VCAN: variants seen among roughly 807,000 people sequenced by gnomAD.
The protein encoded by VCAN is versican core protein.
In VCAN, 44 loss-of-function variants were observed where a neutral mutation model predicts 245.5. The ratio of observed to expected loss-of-function variants is 0.18; its 90% CI spans 0.14 to 0.23. The LOEUF is 0.23. Ranked by LOEUF, VCAN falls within the 10% of genes least tolerant of loss-of-function variation. The pLI is 1.00. For missense variants in VCAN, 3,793 were observed against 4,057.9 expected (o/e 0.93, Z 1.77); for synonymous variants, 1,413 against 1,437.0 (o/e 0.98, Z 0.38).
Position 83,537,116 on chromosome 5 carries a change from T to G in VCAN, c.4113T>G (p.Ile1371Met), listed in dbSNP as rs771771688. The G allele has an allele frequency of 3.1e-6, 5 of 1,613,798 alleles. No homozygotes were observed. Among genetic ancestry groups the G allele is most frequent in the Non-Finnish European group, 4.2e-6 (5 of 1,179,878 alleles). ...CAGTGCATGATCTAATGGCTGAAATTTTACCTGAATTCCCTGACATAATTG... is the reference window on the plus strand; with the variant it reads ...CAGTGCATGATCTAATGGCTGAAATGTTACCTGAATTCCCTGACATAATTG... The part of the protein sequence containing the change: ...TDPVHDLMAE[I>M]LPEFPDIIEI... Residue 1371 changes from isoleucine to methionine, a missense_variant, in exon 8 of 15, where the codon ATT (isoleucine) becomes ATG (methionine). Transcript: ENST00000265077.
chr5:83,533,704 A>G (rs1409588300), intron 7 of VCAN, among the ~76,000 whole-genome samples: 3 of 152,114 alleles, frequency 2.0e-5, no homozygotes, highest in East Asian at 3.8e-4. Flanking sequence ...AAACATTATC[A>G]TATTTATTTA....
chr5:83,548,111 A>T, intron 10 of VCAN, 27 bp downstream of exon 10: 1 of 1,568,112 alleles, frequency 6.4e-7, no homozygotes, highest in Non-Finnish European at 8.8e-7. Flanking sequence ...CATTTGTATG[A>T]TGAACATTAT....
At chr5:83,546,852 A>G (rs1747247936) in intron 9 of VCAN, among the ~76,000 whole-genome samples, 1 of 152,226 alleles carries the variant, frequency 6.6e-6, no homozygotes, top group Non-Finnish European at 1.5e-5. Flanking sequence ...CTTGCTTTGT[A>G]TATTCATTTA....
In VCAN at chr5:83,538,117, T is replaced by C. The variant is rs2112441593; in HGVS notation, c.5114T>C (p.Phe1705Ser). The C allele has an allele frequency of 6.2e-7, 1 of 1,614,058 alleles. No individual in the cohort carries two copies. The highest frequency in any genetic ancestry group is 1.3e-5 in the African/African-American group (1 of 75,054). The change falls in exon 8 of 15, where the codon TTT becomes TCT. Residue 1705 changes from phenylalanine (F) to serine (S), a missense_variant. Phe to Ser is a radical substitution (Grantham distance 155). Around this residue, in one of 5 missense-constraint regions of VCAN, gnomAD observed 3,182 missense variants for 3,250.3 expected, o/e 0.98. Transcript: ENST00000265077. The stretch of plus-strand genomic sequence containing the variant: ...TCTGCAAAAGTGGTGCCTACCAAGT[T>C]TGTAAGTGAAACAGACACTTCTGAG... ...QPSAKVVPTK[F>S]VSETDTSEWI...
intron 1 of VCAN, among the ~76,000 whole-genome samples, chr5:83,479,049 T>C (rs73146673): frequency 4.5e-4 from 68 of 152,296 alleles, no homozygotes; most frequent in African/African-American, 1.6e-3. Context: ...ATTCACATGA[T>C]GCTATTACTT....
rs969319776 is a variant in VCAN at position 83,581,670 on chromosome 5, C to T, written c.*1236C>T. On this transcript the variant is annotated 3_prime_UTR_variant, in exon 15 of 15. Transcript: ENST00000265077. ...TTTTAGCAAAAGGTGTTTGCCCATT[C>T]TAAGAAATGAGCGAATATATAGAAA... The T allele has an allele frequency of 6.6e-6, 1 of 152,178 alleles. No individual in the cohort carries two copies. The highest frequency in any genetic ancestry group is 6.5e-5 in the Admixed American group (1 of 15,270). The allele number at this position is 152,178 out of a possible 1,614,324, so 9.4% of individuals were successfully genotyped here.
At chr5:83,486,884 A>T (rs1482523436) in intron 2 of VCAN, among the ~76,000 whole-genome samples, 2 of 152,258 alleles carry the variant, frequency 1.3e-5, no homozygotes, top group East Asian at 1.9e-4. Context: ...TTCTGGATTT[A>T]TAGTGGAAAA....
intron 1 of VCAN, among the ~76,000 whole-genome samples, chr5:83,476,308 T>C (rs779829608): frequency 7.2e-5 from 11 of 152,326 alleles, no homozygotes; most frequent in Admixed American, 2.0e-4. Context: ...CAAACATCGG[T>C]AAACACTGTA....
At chr5:83,481,505 G>A (rs1252328472) in intron 1 of VCAN, among the ~76,000 whole-genome samples, 1 of 152,002 alleles carries the variant, frequency 6.6e-6, no homozygotes, top group African/African-American at 2.4e-5. Flanking sequence ...CCTGCTTGCT[G>A]TGCTGTCTTA....
rs1375119331 is a variant in VCAN at position 83,541,755 on chromosome 5, A to G, written c.8752A>G (p.Thr2918Ala). 1.2e-6 allele frequency: 2 copies of G among 1,614,094 alleles called. No homozygotes were observed. Among genetic ancestry groups the G allele is most frequent in the Admixed American group, 1.7e-5 (1 of 60,022 alleles). Residue 2918 changes from threonine to alanine, a missense_variant, in exon 8 of 15, where the codon ACA becomes GCA. By Grantham distance (58) the Thr-to-Ala change is moderately conservative. Around this residue, in one of 5 missense-constraint regions of VCAN, gnomAD observed 3,182 missense variants for 3,250.3 expected, o/e 0.98. Transcript: ENST00000265077. ...ELLEEMEASP[T>A]ELIAVEGTEI... is the part of the protein sequence containing the mutation. ...ATTAGAAGAAATGGAAGCTTCTCCC[A>G]CAGAACTTATTGCTGTGGAAGGAAC...
At position 83,537,020 on chromosome 5, in the gene VCAN, T is replaced by A; in HGVS notation, c.4017T>A (p.Asp1339Glu). The A allele has an allele frequency of 1.3e-6, 2 of 1,596,838 alleles. No individual in the cohort carries two copies. Among genetic ancestry groups the A allele is most frequent in the Non-Finnish European group, 1.7e-6 (2 of 1,172,164 alleles). The stretch of plus-strand genomic sequence containing the variant: ...TGTTTTTTTCAGGTCGAATGAGTGA[T>A]TTGAGTGTAATTGGTCATCCAATAG... Reference protein sequence around the residue: ...VRENKTGRMSDLSVIGHPIDS... With the variant: ...VRENKTGRMSELSVIGHPIDS... The change falls in exon 8 of 15, where the codon GAT becomes GAA. Residue 1339 changes from aspartate to glutamate, a missense_variant. This residue lies in a region of VCAN where 3,182 missense variants were observed against 3,250.3 expected (regional missense o/e 0.98). Transcript: ENST00000265077.
intron 12 of VCAN, among the ~76,000 whole-genome samples, chr5:83,566,411 T>C (rs1216494020): frequency 1.3e-5 from 2 of 152,188 alleles, no homozygotes; most frequent in African/African-American, 4.8e-5. Context: ...AGGTCATTGA[T>C]CATGGCCACC....
At position 83,477,951 on chromosome 5, in the gene VCAN, CTTT is replaced by C. The variant is rs55842421; in HGVS notation, c.-6-5549_-6-5547del. ...AGTAACAAAAAAAAATAATTTTTTTCTTTTTTTTTTTTTTTGAGATGGAGTCTG... is the reference window on the plus strand; with the variant it reads ...AGTAACAAAAAAAAATAATTTTTTTCTTTTTTTTTTTTGAGATGGAGTCTG... On this transcript the variant is annotated intron_variant, in intron 1 of 14. Transcript: ENST00000265077. Among the ~76,000 whole-genome samples the C allele has an allele frequency of 6.1e-3, 844 of 139,050 alleles. 10 individuals are homozygous for C. Among genetic ancestry groups the C allele is most frequent in the African/African-American group, 0.021 (804 of 37,958 alleles). 91.2% of individuals were successfully genotyped at this position (139,050 alleles called of 152,430 possible).
rs777155865 is a variant in VCAN at position 83,493,677 on chromosome 5, T to C, written c.577T>C (p.Phe193Leu). Residue 193 changes from phenylalanine (F) to leucine (L), a missense_variant, in exon 4 of 15, where the codon TTT becomes CTT. Coordinates refer to ENST00000265077, the MANE Select transcript of VCAN (RefSeq NM_004385.5). ...EQLFAAYEDG[F>L]EQCDAGWLAD... Reference sequence around the variant, plus strand: ...GCTCTTTGCTGCCTATGAAGATGGATTTGAGCAGTGTGACGCAGGCTGGCT... The same window carrying C: ...GCTCTTTGCTGCCTATGAAGATGGACTTGAGCAGTGTGACGCAGGCTGGCT... 1.2e-6 allele frequency: 2 copies of C among 1,614,120 alleles called. No individual in the cohort carries two copies. Among genetic ancestry groups the C allele is most frequent in the South Asian group, 1.1e-5 (1 of 91,088 alleles).
chr5:83,521,993 C>A lies in VCAN; in HGVS notation c.3687C>A (p.Ile1229=). ...CAGCATTCAAGCCATCTTCCGCGATCACTAAGAAACCACCTCTCATCGACA... is the reference window on the plus strand; with the variant it reads ...CAGCATTCAAGCCATCTTCCGCGATAACTAAGAAACCACCTCTCATCGACA... ...TTSAFKPSSA[I]TKKPPLIDRE... Residue 1229 remains isoleucine (I), a synonymous_variant, in exon 7 of 15, where the codon ATC becomes ATA. Transcript: ENST00000265077. 1 of 1,614,198 alleles carries A rather than the reference C, an allele frequency of 6.2e-7. No homozygotes were observed. Among genetic ancestry groups the A allele is most frequent in the Non-Finnish European group, 8.5e-7 (1 of 1,180,036 alleles).
intron 2 of VCAN, among the ~76,000 whole-genome samples, chr5:83,489,334 G>A (rs1007032743): frequency 1.3e-5 from 2 of 152,168 alleles, no homozygotes; most frequent in African/African-American, 4.8e-5. Flanking sequence ...TATTTTGCAG[G>A]TAATGGTGTT....
chr5:83,536,939 A>G (rs963193657), intron 7 of VCAN, 68 bp from the exon 8 acceptor site: 5 of 1,384,176 alleles, frequency 3.6e-6, no homozygotes, highest in East Asian at 2.3e-5. Context: ...CAGCCTTGCT[A>G]TCAATTTCTT....
At chr5:83,578,910 CTA>C (rs1475200546) in intron 13 of VCAN, among the ~76,000 whole-genome samples, 3 of 152,048 alleles carry the variant, frequency 2.0e-5, no homozygotes, top group African/African-American at 7.2e-5. Flanking sequence ...TTGAATAAAA[CTA>C]TGTTAACACA....
At position 83,539,064 on chromosome 5, in the gene VCAN, T is replaced by C. The variant is rs765958183; in HGVS notation, c.6061T>C (p.Ser2021Pro). 1 of 1,614,008 alleles carries C rather than the reference T, an allele frequency of 6.2e-7. No individual in the cohort carries two copies. The highest frequency in any genetic ancestry group is 1.1e-5 in the South Asian group (1 of 91,088). Residue 2021 changes from serine (S) to proline (P), a missense_variant, in exon 8 of 15, where the codon TCT becomes CCT. Ser to Pro is a moderately conservative substitution (Grantham distance 74). Transcript: ENST00000265077. The part of the protein sequence containing the change: ...SGEQLVTVSS[S>P]VVPVLPSAVQ... The stretch of plus-strand genomic sequence containing the variant: ...TGAGCAACTGGTCACAGTCAGCAGC[T>C]CTGTTGTTCCAGTGCTTCCCAGTGC...
Sources: gnomAD v4.1 joint callset for allele counts (sites outside exome capture counted in the v4.1 genomes callset) on GRCh38, gnomAD v4.1.1 for gene constraint, gnomAD v4.1.1 regional missense constraint, MANE v1.5 for transcripts, NCBI Gene and HGNC (gene_info 2026-07-23, HGNC 2026-07-21) for gene names.